Variants in P2RY13 observed in about 807,000 individuals in gnomAD.
P2RY13 encodes P2Y purinoceptor 13.
For missense variants in P2RY13, 412 were observed against 418.4 expected (o/e 0.98, Z 0.13); for synonymous variants, 150 against 155.1 (o/e 0.97, Z 0.24).
At position 151,327,832 on chromosome 3, in the gene P2RY13, A is replaced by C; in HGVS notation, c.*159T>G. 1.8e-6 allele frequency: 1 copy of C among 540,904 alleles called. No homozygotes were observed. Among genetic ancestry groups the C allele is most frequent in the East Asian group, 3.0e-5 (1 of 32,982 alleles). The allele number at this position is 540,904 out of a possible 1,614,324, so 33.5% of individuals were successfully genotyped here. On this transcript the variant is annotated 3_prime_UTR_variant, in exon 2 of 2. Coordinates refer to ENST00000325602, the MANE Select transcript of P2RY13 (RefSeq NM_176894.3). ...AATGGTTCATTCAGCTTATGAATAG[A>C]TCTATGTGGATTTAAATTTTATATA...
chr3:151,328,049 G>T lies in P2RY13; in HGVS notation c.1007C>A (p.Thr336Asn). ...ATGATTTTCTTGGCTTGATGCTGTGGTCTTTCTCCCTTGCATACATGGTAG... is the reference window on the plus strand; with the variant it reads ...ATGATTTTCTTGGCTTGATGCTGTGTTCTTTCTCCCTTGCATACATGGTAG... Reference protein sequence around the residue: ...EKLPCMQGRKTTASSQENHSS... With the variant: ...EKLPCMQGRKNTASSQENHSS... The change falls in exon 2 of 2, where the codon ACC (threonine) becomes AAC (asparagine). Residue 336 changes from threonine to asparagine, a missense_variant. By Grantham distance (65) the Thr-to-Asn change is moderately conservative. Transcript: ENST00000325602. 6.2e-7 allele frequency: 1 copy of T among 1,605,462 alleles called. No homozygotes were observed. The highest frequency in any genetic ancestry group is 8.5e-7 in the Non-Finnish European group (1 of 1,176,962).
intron 1 of P2RY13, 61 bp downstream of exon 1, chr3:151,329,420 C>T: frequency 1.9e-6 from 2 of 1,042,804 alleles, no homozygotes; most frequent in East Asian, 2.6e-5. Context: ...CACCTTTTTT[C>T]CCTTAAGCAT....
In P2RY13 at chr3:151,328,790, T is replaced by G. The variant is rs1376178770; in HGVS notation, c.266A>C (p.Asp89Ala). ...AGGAAGCATGAGTGTCATTATCAAGTCGGCCACCAAAGTGTTTTTGAGGTA... is the reference window on the plus strand; with the variant it reads ...AGGAAGCATGAGTGTCATTATCAAGGCGGCCACCAAAGTGTTTTTGAGGTA... The part of the protein sequence containing the change: ...IIYLKNTLVA[D>A]LIMTLMLPFK... The change falls in exon 2 of 2, where the codon GAC becomes GCC. Residue 89 changes from aspartate to alanine, a missense_variant. Transcript: ENST00000325602. 3.1e-6 allele frequency: 5 copies of G among 1,613,886 alleles called. No homozygotes were observed. The South Asian group carries it at 5.5e-5, about 18-fold the overall frequency.
rs1352820266 is a variant in P2RY13 at position 151,327,320 on chromosome 3, A to T, written c.*671T>A. On this transcript the variant is annotated 3_prime_UTR_variant, in exon 2 of 2. Transcript: ENST00000325602. ...AGAAGGAGAATTCCAAAGAATAGTT[A>T]ACACAGCATTCTCACACTTGAATTG... 1 of 152,228 alleles carries T rather than the reference A, an allele frequency of 6.6e-6. No homozygotes were observed. Among genetic ancestry groups the T allele is most frequent in the Non-Finnish European group, 1.5e-5 (1 of 68,056 alleles). The allele number at this position is 152,228 out of a possible 1,614,324, so 9.4% of individuals were successfully genotyped here. A position where few individuals can be genotyped will look rare whatever the true frequency, so the allele number is the denominator to read the frequency against.
chr3:151,328,145 AAG>A lies in P2RY13; in HGVS notation c.909_910del (p.Leu305GlyfsTer4), dbSNP rs1342542504. 11 of 1,613,072 alleles carry A rather than the reference AAG, an allele frequency of 6.8e-6. No individual in the cohort carries two copies. The highest frequency in any genetic ancestry group is 1.1e-5 in the South Asian group (1 of 90,816). On this transcript the variant is annotated frameshift_variant, in exon 2 of 2. Transcript: ENST00000325602. LOFTEE classifies it low-confidence loss of function (END_TRUNC). Reference sequence around the variant, plus strand: ...CATACAAATGTTAGTTGCTGCCAAAAAGAGAGTTGTTTCTTTAGCAATAAACA... The same window carrying A: ...CATACAAATGTTAGTTGCTGCCAAAAAGAGTTGTTTCTTTAGCAATAAACA...
Position 151,329,470 on chromosome 3 carries a change from T to C in P2RY13, c.48+11A>G, listed in dbSNP as rs1487485450. The C allele has an allele frequency of 1.3e-6, 2 of 1,529,626 alleles. No individual in the cohort carries two copies. The highest frequency in any genetic ancestry group is 2.0e-5 in the Admixed American group (1 of 49,796). The allele number at this position is 1,529,626 out of a possible 1,614,324, so 94.8% of individuals were successfully genotyped here. A position where few individuals can be genotyped will look rare whatever the true frequency, so the allele number is the denominator to read the frequency against. Reference sequence around the variant, plus strand: ...GCAAGCACACTCATAATAACAAAAATTGAAATTCACCTTTGGGAGGATACT... The same window carrying C: ...GCAAGCACACTCATAATAACAAAAACTGAAATTCACCTTTGGGAGGATACT... On this transcript the variant is annotated intron_variant, in intron 1 of 1. Coordinates refer to ENST00000325602, the MANE Select transcript of P2RY13 (RefSeq NM_176894.3).
rs1362660762 is a variant in P2RY13, at chr3:151,327,079, C to CTT, written c.*911_*912insAA. 6.6e-6 allele frequency: 1 copy of CTT among 152,204 alleles called. No individual in the cohort carries two copies. Among genetic ancestry groups the CTT allele is most frequent in the Non-Finnish European group, 1.5e-5 (1 of 68,046 alleles). 9.4% of individuals were successfully genotyped at this position (152,204 alleles called of 1,614,324 possible). A position where few individuals can be genotyped will look rare whatever the true frequency, so the allele number is the denominator to read the frequency against. ...GAGATACCAAGAAAATCTGGCATGT[C>CTT]TGTCTCTCAAGAAGCTTTAACATTT... On this transcript the variant is annotated 3_prime_UTR_variant, in exon 2 of 2. Coordinates refer to ENST00000325602, the MANE Select transcript of P2RY13 (RefSeq NM_176894.3).
chr3:151,329,537 C>T lies in P2RY13; in HGVS notation c.-9G>A. ...CTTATGGCGGCAGTCATTAGTTCAG[C>T]CTACAAATGAGCATGTGAAGCAAAT... On this transcript the variant is annotated 5_prime_UTR_variant, in exon 1 of 2. Transcript: ENST00000325602. 1 of 1,541,708 alleles carries T rather than the reference C, an allele frequency of 6.5e-7. No homozygotes were observed. Among genetic ancestry groups the T allele is most frequent in the Non-Finnish European group, 8.8e-7 (1 of 1,139,472 alleles).
At position 151,327,780 on chromosome 3, in the gene P2RY13, A is replaced by G. The variant is rs146935654; in HGVS notation, c.*211T>C. 213 of 394,212 alleles carry G rather than the reference A, an allele frequency of 5.4e-4. 1 individual carries two copies. Among genetic ancestry groups the G allele is most frequent in the African/African-American group, 4.0e-3 (192 of 48,194 alleles). 24.4% of individuals were successfully genotyped at this position (394,212 alleles called of 1,614,324 possible). On this transcript the variant is annotated 3_prime_UTR_variant, in exon 2 of 2. Transcript: ENST00000325602. ...AAAGAAATAATGACCTCTAGTGGCC[A>G]TTTGTATCCTGTTGCATTCTCTTAG...
chr3:151,326,771 C>T lies in P2RY13; in HGVS notation c.*1220G>A, dbSNP rs1322700782. On this transcript the variant is annotated 3_prime_UTR_variant, in exon 2 of 2. Transcript: ENST00000325602. ...ACCCTACGATGGTCGTGTTGGAGCT[C>T]GTGGCACATTTACAGAGCTTAACTA... The T allele has an allele frequency of 2.0e-5, 3 of 152,136 alleles. No homozygotes were observed. Among genetic ancestry groups the T allele is most frequent in the African/African-American group, 4.8e-5 (2 of 41,440 alleles). 9.4% of individuals were successfully genotyped at this position (152,136 alleles called of 1,614,324 possible). A position where few individuals can be genotyped will look rare whatever the true frequency, so the allele number is the denominator to read the frequency against.
rs772476009 is a variant in P2RY13, at chr3:151,329,520, G to A, written c.9C>T (p.Ala3=). 1.1e-5 allele frequency: 17 copies of A among 1,547,078 alleles called. No homozygotes were observed. Among genetic ancestry groups the A allele is most frequent in the Admixed American group, 3.9e-5 (2 of 50,712 alleles). The change falls in exon 1 of 2, where the codon GCC becomes GCT. Residue 3 remains alanine (A), a synonymous_variant. Coordinates refer to ENST00000325602, the MANE Select transcript of P2RY13 (RefSeq NM_176894.3). ...TCAGTTCTCTCTGTCTTCTTATGGC[G>A]GCAGTCATTAGTTCAGCCTACAAAT... The part of the protein sequence containing the change: MT[A]AIRRQRELSI...
In P2RY13 at chr3:151,328,663, G is replaced by A. The variant is rs748750804; in HGVS notation, c.393C>T (p.Ile131=). 1.2e-5 allele frequency: 20 copies of A among 1,613,658 alleles called. No homozygotes were observed. The highest frequency in any genetic ancestry group is 1.1e-4 in the African/African-American group (8 of 74,908). ...CAAAGGCTATGAGCCCTAACAGCAC[G>A]ATGCCCACATACATGGTCTCATAAA... ...VIFYETMYVG[I]VLLGLIAFDR... Residue 131 remains isoleucine (I), a synonymous_variant, in exon 2 of 2, where the codon ATC becomes ATT. Coordinates refer to ENST00000325602, the MANE Select transcript of P2RY13 (RefSeq NM_176894.3).
Position 151,326,440 on chromosome 3 carries a change from A to G in P2RY13, c.*1551T>C, listed in dbSNP as rs113844070. 2.0e-5 allele frequency: 3 copies of G among 152,638 alleles called. No homozygotes were observed. Among genetic ancestry groups the G allele is most frequent in the Admixed American group, 6.5e-5 (1 of 15,274 alleles). 9.5% of individuals were successfully genotyped at this position (152,638 alleles called of 1,614,324 possible). ...ACAATGCAATGTGATAAGTTTAATA[A>G]TATAGGTGTGACAGCATACAGAGGA... On this transcript the variant is annotated 3_prime_UTR_variant, in exon 2 of 2. Transcript: ENST00000325602.
At position 151,327,507 on chromosome 3, in the gene P2RY13, A is replaced by G. The variant is rs1388627; in HGVS notation, c.*484T>C. ...CCCACTTCAGTTCCTCAGACTCTTC[A>G]AGTCTGCATCCCTTTCAACCCCTGG... On this transcript the variant is annotated 3_prime_UTR_variant, in exon 2 of 2. Transcript: ENST00000325602. The G allele has an allele frequency of 0.2, 30,422 of 151,964 alleles. 3,385 individuals are homozygous for G. Among genetic ancestry groups the G allele is most frequent in the South Asian group, 0.33 (1,595 of 4,816 alleles). The allele number at this position is 151,964 out of a possible 1,614,324, so 9.4% of individuals were successfully genotyped here.
rs779910558 is a variant in P2RY13, at chr3:151,328,445, T to G, written c.611A>C (p.Lys204Thr). The G allele has an allele frequency of 6.2e-7, 1 of 1,613,738 alleles. No homozygotes were observed. Among genetic ancestry groups the G allele is most frequent in the African/African-American group, 1.3e-5 (1 of 74,924 alleles). The change falls in exon 2 of 2, where the codon AAA becomes ACA. Residue 204 changes from lysine (K) to threonine (T), a missense_variant. By Grantham distance (78) the Lys-to-Thr change is moderately conservative (BLOSUM62 -1). Coordinates refer to ENST00000325602, the MANE Select transcript of P2RY13 (RefSeq NM_176894.3). ...CASLKGPLGL[K>T]WHQMVNNICQ... ...TATGTTATTTACCATTTGATGCCAT[T>G]TCAGCCCCAGAGGCCCCTTTAAGGA...
rs755157659 is a variant in P2RY13, at chr3:151,328,383, G to A, written c.673C>T (p.Leu225Phe). 4 of 1,613,386 alleles carry A rather than the reference G, an allele frequency of 2.5e-6. No individual in the cohort carries two copies. In the South Asian group the frequency reaches 3.3e-5, roughly 13 times the overall value. The stretch of plus-strand genomic sequence containing the variant: ...TTTGCAATAACCACATAAAACACAA[G>A]CATTAGGATAAAAACAGTCCAGAAA... ...FIFWTVFILM[L>F]VFYVVIAKKV... The change falls in exon 2 of 2, where the codon CTT (leucine) becomes TTT (phenylalanine). Residue 225 changes from leucine to phenylalanine, a missense_variant. Coordinates refer to ENST00000325602, the MANE Select transcript of P2RY13 (RefSeq NM_176894.3).
In P2RY13 at chr3:151,327,873, G is replaced by T. The variant is rs1491980; in HGVS notation, c.*118C>A. On this transcript the variant is annotated 3_prime_UTR_variant, in exon 2 of 2. Transcript: ENST00000325602. ...ATTTTATATAATCTTTTCTGTACAC[G>T]AGGATAATAAAATGTAAGAGAGCAT... 1 of 716,834 alleles carries T rather than the reference G, an allele frequency of 1.4e-6. No homozygotes were observed. The highest frequency in any genetic ancestry group is 2.3e-6 in the Non-Finnish European group (1 of 439,782). 44.4% of individuals were successfully genotyped at this position (716,834 alleles called of 1,614,324 possible). A position where few individuals can be genotyped will look rare whatever the true frequency, so the allele number is the denominator to read the frequency against.
In P2RY13 at chr3:151,326,580, G is replaced by A. The variant is rs1006991854; in HGVS notation, c.*1411C>T. ...ATAAGAGTCTTCCAAGTGTACCAGG[G>A]GGAAATATACATGTGTGGTGCCAAA... is the stretch of plus-strand genomic sequence containing the variant. On this transcript the variant is annotated 3_prime_UTR_variant, in exon 2 of 2. Coordinates refer to ENST00000325602, the MANE Select transcript of P2RY13 (RefSeq NM_176894.3). 2 of 152,116 alleles carry A rather than the reference G, an allele frequency of 1.3e-5. No individual in the cohort carries two copies. The highest frequency in any genetic ancestry group is 2.9e-5 in the Non-Finnish European group (2 of 68,010). 9.4% of individuals were successfully genotyped at this position (152,116 alleles called of 1,614,324 possible). A position where few individuals can be genotyped will look rare whatever the true frequency, so the allele number is the denominator to read the frequency against.
rs1335327575 is a variant in P2RY13 at position 151,327,054 on chromosome 3, G to A, written c.*937C>T. The A allele has an allele frequency of 6.6e-6, 1 of 152,180 alleles. No individual in the cohort carries two copies. Among genetic ancestry groups the A allele is most frequent in the Non-Finnish European group, 1.5e-5 (1 of 68,034 alleles). The allele number at this position is 152,180 out of a possible 1,614,324, so 9.4% of individuals were successfully genotyped here. ...CCATGGACTGTAGGTCGTATTATGG[G>A]AGATACCAAGAAAATCTGGCATGTC... On this transcript the variant is annotated 3_prime_UTR_variant, in exon 2 of 2. Transcript: ENST00000325602.
Sources: allele counts gnomAD v4.1 joint callset, GRCh38; gene constraint gnomAD v4.1.1; transcripts MANE v1.5; gene names NCBI Gene and HGNC (gene_info 2026-07-23, HGNC 2026-07-21).